DENND1A: variants seen among roughly 807,000 people sequenced by gnomAD.
The protein encoded by DENND1A is DENN domain containing 1A.
A neutral mutation model predicts 113.7 loss-of-function variants in DENND1A; 51 were observed. That is an observed-to-expected ratio of 0.45 (90% CI 0.36 to 0.57). The LOEUF (loss-of-function observed/expected upper bound fraction) is 0.57. Among genes scored for constraint, DENND1A ranks in the 20% least tolerant of loss-of-function variants. The pLI, the probability that DENND1A is intolerant of heterozygous loss-of-function variation, is 0.00. For synonymous variants in DENND1A, 565 were observed against 570.8 expected (o/e 0.99, Z 0.14); for missense variants, 1,258 against 1,395.9 (o/e 0.90, Z 1.57).
intron 1 of DENND1A, among the ~76,000 whole-genome samples, chr9:123,902,490 G>T (rs776083938): frequency 1.3e-5 from 2 of 152,158 alleles, no homozygotes; most frequent in Non-Finnish European, 2.9e-5. Flanking sequence ...AAGGGGATCT[G>T]ACCATCACTC....
rs113375616 is a variant in DENND1A, at chr9:123,743,405, G to GATAA, written c.302+14294_302+14297dup. Among the ~76,000 whole-genome samples, 1,006 of 148,096 alleles carry GATAA rather than the reference G, an allele frequency of 6.8e-3. 4 individuals carry two copies. Among genetic ancestry groups the GATAA allele is most frequent in the East Asian group, 0.025 (125 of 4,984 alleles). ...GATGGAGTAAGACTCAGTCCCAAAA[G>GATAA]ATAAATAAATAAATAAATAAATAAA... On this transcript the variant is annotated intron_variant, in intron 5 of 23. Coordinates refer to ENST00000394215, the MANE Select transcript of DENND1A (RefSeq NM_001352964.2).
intron 5 of DENND1A, among the ~76,000 whole-genome samples, chr9:123,725,732 G>A (rs963377047): frequency 1.6e-4 from 24 of 152,246 alleles, no homozygotes; most frequent in Middle Eastern, 3.2e-3. Flanking sequence ...TCCAGAGAAA[G>A]AAGGAGAATC....
At chr9:123,680,177 G>A (rs559505033) in intron 5 of DENND1A, among the ~76,000 whole-genome samples, 28 of 152,288 alleles carry the variant, frequency 1.8e-4, no homozygotes, top group Non-Finnish European at 3.1e-4. Context: ...AGAGAAAAGC[G>A]AAAAGGAACA....
chr9:123,727,272 G>A (rs1415802484), intron 5 of DENND1A, among the ~76,000 whole-genome samples: 1 of 152,126 alleles, frequency 6.6e-6, no homozygotes, highest in African/African-American at 2.4e-5. Context: ...CACTTTTCCT[G>A]GAATGCCTAC....
chr9:123,844,285 A>G (rs1006194243), intron 2 of DENND1A, among the ~76,000 whole-genome samples: 1 of 152,174 alleles, frequency 6.6e-6, no homozygotes. Flanking sequence ...TACTATCTTG[A>G]TTTGTACATT....
chr9:123,611,838 T>TA (rs1263836187), intron 10 of DENND1A, among the ~76,000 whole-genome samples: 1 of 152,070 alleles, frequency 6.6e-6, no homozygotes, highest in African/African-American at 2.4e-5. Flanking sequence ...TGTCCTACAA[T>TA]AAAAATCAAT....
In DENND1A at chr9:123,592,519, G is replaced by C. The variant is rs952251244; in HGVS notation, c.766-9249C>G. Reference sequence around the variant, plus strand: ...CAGGACAGTGGTCATCCTTGGGCTGGGGGGAAACTGACTAGAATAGGGTAC... The same window carrying C: ...CAGGACAGTGGTCATCCTTGGGCTGCGGGGAAACTGACTAGAATAGGGTAC... On this transcript the variant is annotated intron_variant, in intron 11 of 23. Coordinates refer to ENST00000394215, the MANE Select transcript of DENND1A (RefSeq NM_001352964.2). Among the ~76,000 whole-genome samples, 9 of 152,070 alleles carry C rather than the reference G, an allele frequency of 5.9e-5. No homozygotes were observed. The South Asian group carries it at 1.9e-3, about 32-fold the overall frequency.
intron 2 of DENND1A, among the ~76,000 whole-genome samples, chr9:123,818,051 T>C (rs1317211723): frequency 1.3e-5 from 2 of 151,888 alleles, no homozygotes; most frequent in African/African-American, 2.4e-5. Flanking sequence ...AAATATACTA[T>C]AAGAAAATGC....
At chr9:123,615,602 A>G (rs2060614921) in intron 10 of DENND1A, among the ~76,000 whole-genome samples, 1 of 152,236 alleles carries the variant, frequency 6.6e-6, no homozygotes, top group Non-Finnish European at 1.5e-5. Flanking sequence ...CACAGGCCTC[A>G]GCTTCACTAT....
chr9:123,381,829 C>T lies in DENND1A; in HGVS notation c.2816G>A (p.Cys939Tyr). The T allele has an allele frequency of 1.3e-6, 2 of 1,502,900 alleles. No homozygotes were observed. 93.1% of individuals were successfully genotyped at this position (1,502,900 alleles called of 1,614,324 possible). Residue 939 changes from cysteine (C) to tyrosine (Y), a missense_variant, in exon 24 of 24, where the codon TGT becomes TAT. Around this residue, in one of 2 missense-constraint regions of DENND1A, gnomAD observed 1,159 missense variants for 1,231.7 expected, o/e 0.94. Transcript: ENST00000394215. This position sits in a 1 kb window ranked among gnomAD's most constrained non-coding sequence, Gnocchi z 4.7. ...GTTGGGCTGAGACCTGTGAGGGGCA[C>T]AGAAGCCAGCACTGGACAGCAGGAG... ...SGLLLSSAGF[C>Y]APHRSQPNLS...
chr9:123,761,335 G>T (rs886115718), intron 4 of DENND1A, among the ~76,000 whole-genome samples: 3 of 152,166 alleles, frequency 2.0e-5, no homozygotes, highest in Admixed American at 6.5e-5. Flanking sequence ...AAATGGAAAA[G>T]AATTTAGTAT....
intron 13 of DENND1A, among the ~76,000 whole-genome samples, chr9:123,510,868 AAG>A (rs2053400984): frequency 6.6e-6 from 1 of 152,220 alleles, no homozygotes; most frequent in Non-Finnish European, 1.5e-5. Flanking sequence ...AGAAGGAAGT[AAG>A]TTCCCTGGCA....
At chr9:123,775,327 T>C (rs184731989) in intron 3 of DENND1A, among the ~76,000 whole-genome samples, 48 of 152,298 alleles carry the variant, frequency 3.2e-4, no homozygotes, top group African/African-American at 1.1e-3. Context: ...TCTAAAATAG[T>C]TTCTCTTGCT....
chr9:123,738,849 A>G (rs933328424), intron 5 of DENND1A, among the ~76,000 whole-genome samples: 4 of 152,202 alleles, frequency 2.6e-5, no homozygotes, highest in Non-Finnish European at 5.9e-5. Context: ...AAATACTAAC[A>G]CAGAGCTTGA....
intron 5 of DENND1A, among the ~76,000 whole-genome samples, chr9:123,724,656 C>G (rs1032170150): frequency 6.6e-6 from 1 of 152,174 alleles, no homozygotes; most frequent in African/African-American, 2.4e-5. Context: ...GCCTCCCCAG[C>G]TTTCTCTTCA....
At chr9:123,399,154 G>A (rs755517705) in intron 21 of DENND1A, among the ~76,000 whole-genome samples, 34 of 152,044 alleles carry the variant, frequency 2.2e-4, no homozygotes, top group Non-Finnish European at 4.6e-4. Context: ...TGCCGTAGCC[G>A]TCGTCCCCAC....
intron 10 of DENND1A, among the ~76,000 whole-genome samples, chr9:123,628,098 G>A (rs944331223): frequency 1.3e-5 from 2 of 151,980 alleles, no homozygotes; most frequent in Non-Finnish European, 2.9e-5. Flanking sequence ...TCTTAGCCCC[G>A]TCCTATCCTT....
At chr9:123,400,778 G>C (rs1438226322) in intron 21 of DENND1A, 1 of 152,128 alleles carries the variant, frequency 6.6e-6, no homozygotes, top group Admixed American at 6.5e-5. Flanking sequence ...ACGGGGTTTC[G>C]CCATGTTGCC....
At chr9:123,623,667 T>C (rs535177730) in intron 10 of DENND1A, among the ~76,000 whole-genome samples, 10 of 152,340 alleles carry the variant, frequency 6.6e-5, no homozygotes, top group Middle Eastern at 3.4e-3. Flanking sequence ...ACTCAGATGA[T>C]TGTATGTCGT....
Sources: allele counts gnomAD v4.1 joint callset (sites outside exome capture counted in the v4.1 genomes callset), GRCh38; gene constraint gnomAD v4.1.1; regional missense constraint gnomAD v4.1.1; non-coding constraint Gnocchi (gnomAD v3.1); transcripts MANE v1.5; gene names NCBI Gene and HGNC (gene_info 2026-07-23, HGNC 2026-07-21).